The following ZC3H11A variants were observed in gnomAD, a reference collection of about 807,000 sequenced individuals.
The protein encoded by ZC3H11A is zinc finger CCCH domain-containing protein 11A.
A neutral mutation model predicts 90.8 loss-of-function variants in ZC3H11A; 22 were observed. The ratio of observed to expected loss-of-function variants is 0.24; its 90% CI spans 0.17 to 0.35. The LOEUF is 0.35. ZC3H11A is among the 10% of genes least tolerant of loss of function. The pLI is 1.00. For synonymous variants in ZC3H11A, 294 were observed against 339.8 expected, an observed-to-expected ratio of 0.87 and a Z score of 1.48; for missense variants, 701 against 964.9, an observed-to-expected ratio of 0.73 and a Z score of 3.62.
chr1:203,825,520 C>T (rs934854010), intron 4 of ZC3H11A, among the ~76,000 whole-genome samples: 1 of 150,472 alleles, frequency 6.6e-6, no homozygotes, highest in Non-Finnish European at 1.5e-5. Context: ...CTGAAACTTC[C>T]ACCTCCCGGG....
intron 10 of ZC3H11A, among the ~76,000 whole-genome samples, chr1:203,837,303 A>C (rs574146593): frequency 1.3e-5 from 2 of 151,156 alleles, no homozygotes; most frequent in East Asian, 3.9e-4. Context: ...AAAAAAAAAA[A>C]AGGGTTCTTT....
chr1:203,796,908 G>A, intron 1 of ZC3H11A: 1 of 154,362 alleles, frequency 6.5e-6, no homozygotes, highest in East Asian at 1.9e-4. Flanking sequence ...GGCTCAACTA[G>A]CATTTGCTGT....
rs774911667 is a variant in ZC3H11A at position 203,828,364 on chromosome 1, C to T, written c.240C>T (p.Cys80=). The part of the protein sequence containing the change: ...NQPTGCQKLN[C]AFHHNRGRYV... ...CAACAGGATGTCAAAAATTAAACTG[C>T]GCTTTCCATCACAATAGAGGACGAT... Residue 80 remains cysteine, a synonymous_variant, in exon 5 of 18, where the codon TGC becomes TGT. Transcript: ENST00000367210. 1.6e-5 allele frequency: 26 copies of T among 1,613,988 alleles called. No homozygotes were observed. In the East Asian group the frequency reaches 1.8e-4, roughly 11 times the overall value.
chr1:203,830,028 A>G, intron 7 of ZC3H11A, 95 bp from the exon 8 acceptor site: 1 of 1,322,400 alleles, frequency 7.6e-7, no homozygotes, highest in African/African-American at 1.5e-5. Context: ...GTTTCTGTTG[A>G]TCATTTATTC....
At chr1:203,810,357 A>C (rs1673957278) in intron 2 of ZC3H11A, among the ~76,000 whole-genome samples, 1 of 151,946 alleles carries the variant, frequency 6.6e-6, no homozygotes, top group Admixed American at 6.6e-5. Context: ...GATGATATAT[A>C]AAGAAACTTT....
chr1:203,800,544 A>C, intron 1 of ZC3H11A: 1 of 1,306,120 alleles, frequency 7.7e-7, no homozygotes, highest in Non-Finnish European at 1.0e-6. Context: ...TATAATCATT[A>C]TCTTTATAAA....
Position 203,828,304 on chromosome 1 carries a change from A to G in ZC3H11A, c.180A>G (p.Lys60=), listed in dbSNP as rs781190825. The change falls in exon 5 of 18, where the codon AAA becomes AAG. Residue 60 remains lysine, a synonymous_variant. Coordinates refer to ENST00000367210, the MANE Select transcript of ZC3H11A (RefSeq NM_001376342.1). ...TGTGTTTTTCCCTCTTACAGAAAAA[A>G]CGCAGTGAAATTCCTTGTTATTGGG... ...CRFRHMEIDK[K]RSEIPCYWEN... The G allele has an allele frequency of 1.9e-6, 3 of 1,614,090 alleles. No homozygotes were observed. The highest frequency in any genetic ancestry group is 2.5e-6 in the Non-Finnish European group (3 of 1,179,968).
At chr1:203,817,694 T>C (rs1026933773) in intron 3 of ZC3H11A, among the ~76,000 whole-genome samples, 1 of 152,096 alleles carries the variant, frequency 6.6e-6, no homozygotes, top group African/African-American at 2.4e-5. Flanking sequence ...TGTGATTTTA[T>C]GACTAATTCT....
At chr1:203,823,574 G>A (rs936305596) in intron 4 of ZC3H11A, among the ~76,000 whole-genome samples, 16 of 152,292 alleles carry the variant, frequency 1.1e-4, no homozygotes, top group East Asian at 3.9e-4. Flanking sequence ...AACTTGGAGC[G>A]TCTAAAAGCC....
In ZC3H11A at chr1:203,852,437, A is replaced by G. The variant is rs541325172; in HGVS notation, c.*38A>G. The G allele has an allele frequency of 6.2e-7, 1 of 1,604,240 alleles. No homozygotes were observed. Among genetic ancestry groups the G allele is most frequent in the East Asian group, 2.2e-5 (1 of 44,814 alleles). ...GGACACTTTAAAAAAAAAATCGCCA[A>G]AAAACTGGACTTAGTTTCATCTATT... On this transcript the variant is annotated 3_prime_UTR_variant, in exon 18 of 18. Coordinates refer to ENST00000367210, the MANE Select transcript of ZC3H11A (RefSeq NM_001376342.1).
chr1:203,798,142 C>T, intron 1 of ZC3H11A: 1 of 1,536,102 alleles, frequency 6.5e-7, no homozygotes, highest in South Asian at 1.2e-5. Flanking sequence ...TCTTTATCTC[C>T]CTCTTCTGGA....
intron 2 of ZC3H11A, among the ~76,000 whole-genome samples, chr1:203,811,346 A>G (rs1358485347): frequency 3.9e-5 from 6 of 152,194 alleles, no homozygotes; most frequent in Admixed American, 3.9e-4. Context: ...ATTAGTTGCC[A>G]AAAAATTGTA....
At position 203,849,109 on chromosome 1, in the gene ZC3H11A, T is replaced by G. The variant is rs539018699; in HGVS notation, c.1624-602T>G. Reference sequence around the variant, plus strand: ...CATGTTGTCCAGAGTGGTCTCGAACTTCTGGCTTCAAGTGATCTGCCTGCC... The same window carrying G: ...CATGTTGTCCAGAGTGGTCTCGAACGTCTGGCTTCAAGTGATCTGCCTGCC... On this transcript the variant is annotated intron_variant, in intron 14 of 17. Transcript: ENST00000367210. Among the ~76,000 whole-genome samples, 3 of 152,354 alleles carry G rather than the reference T, an allele frequency of 2.0e-5. No homozygotes were observed. In the South Asian group the frequency reaches 6.2e-4, roughly 32 times the overall value.
intron 15 of ZC3H11A, 36 bp downstream of exon 15, chr1:203,850,062 T>C: frequency 5.7e-6 from 9 of 1,589,778 alleles, no homozygotes; most frequent in Non-Finnish European, 7.7e-6. Flanking sequence ...CTTTAGGTTA[T>C]CAAAATTACC....
At chr1:203,804,346 G>C (rs1343024682) in intron 2 of ZC3H11A, among the ~76,000 whole-genome samples, 1 of 151,812 alleles carries the variant, frequency 6.6e-6, no homozygotes, top group Non-Finnish European at 1.5e-5. Context: ...TAGAGACGGG[G>C]TTTCACCGTG....
intron 11 of ZC3H11A, among the ~76,000 whole-genome samples, chr1:203,838,954 C>CAAA (rs59033094): frequency 8.9e-4 from 87 of 97,526 alleles, no homozygotes; most frequent in African/African-American, 1.2e-3. Context: ...GACTTCATCT[C>CAAA]AAAAAAAAAA....
chr1:203,826,743 A>AGG (rs1265130656), intron 4 of ZC3H11A, among the ~76,000 whole-genome samples: 4 of 152,164 alleles, frequency 2.6e-5, no homozygotes, highest in African/African-American at 9.7e-5. Context: ...TGATGATTAG[A>AGG]GATTCGACAT....
At chr1:203,841,073 A>C (rs1361159580) in intron 12 of ZC3H11A, among the ~76,000 whole-genome samples, 3 of 152,152 alleles carry the variant, frequency 2.0e-5, no homozygotes, top group Non-Finnish European at 4.4e-5. Context: ...CTTGCATTGT[A>C]TCAAGTGAAG....
At position 203,852,962 on chromosome 1, in the gene ZC3H11A, G is replaced by C. The variant is rs1186496556; in HGVS notation, c.*563G>C. ...GAGCAGCTCAGGAAGCCTGTAATGT[G>C]GGCATAACTCTTTGGACCTGATCTT... On this transcript the variant is annotated 3_prime_UTR_variant, in exon 18 of 18. Transcript: ENST00000367210. The C allele has an allele frequency of 6.4e-6, 1 of 155,580 alleles. No homozygotes were observed. The highest frequency in any genetic ancestry group is 1.9e-4 in the East Asian group (1 of 5,242). The allele number at this position is 155,580 out of a possible 1,614,324, so 9.6% of individuals were successfully genotyped here.
Sources: gnomAD v4.1 joint callset for allele counts (sites outside exome capture counted in the v4.1 genomes callset) on GRCh38, gnomAD v4.1.1 for gene constraint, MANE v1.5 for transcripts, NCBI Gene and HGNC (gene_info 2026-07-23, HGNC 2026-07-21) for gene names.